Variants in RTEL1 observed in about 807,000 individuals in gnomAD.
RTEL1 encodes regulator of telomere elongation helicase 1, also known as regulator of telomere length.
RTEL1 carries 86 observed loss-of-function variants against 162.2 expected under a neutral mutation model. That is an observed-to-expected ratio of 0.53 (90% CI 0.45 to 0.63). RTEL1 has a LOEUF of 0.63. Ranked by LOEUF, RTEL1 falls within the 30% of genes least tolerant of loss-of-function variation. The pLI is 0.00. For synonymous variants in RTEL1, 958 were observed against 717.9 expected, an observed-to-expected ratio of 1.33 and a Z score of -5.35; for missense variants, 1,941 against 1,750.2, an observed-to-expected ratio of 1.11 and a Z score of -1.95.
Position 63,689,140 on chromosome 20 carries a change from C to G in RTEL1, c.1878+8C>G. The G allele has an allele frequency of 6.2e-7, 1 of 1,607,262 alleles. No homozygotes were observed. Among genetic ancestry groups the G allele is most frequent in the Non-Finnish European group, 8.5e-7 (1 of 1,179,612 alleles). ...GCGGTCTGCCGGGGCAAGGTGAGCTCTCCAGGGCCCTCTGCCCTGACCTGG... is the reference window on the plus strand; with the variant it reads ...GCGGTCTGCCGGGGCAAGGTGAGCTGTCCAGGGCCCTCTGCCCTGACCTGG... On this transcript the variant is annotated splice_region_variant and intron_variant, in intron 22 of 34. Coordinates refer to ENST00000360203, the MANE Select transcript of RTEL1 (RefSeq NM_001283009.2).
Position 63,681,745 on chromosome 20 carries a change from T to C in RTEL1, c.1191+1026T>C, listed in dbSNP as rs1028142055. 3.0e-6 allele frequency: 3 copies of C among 985,068 alleles called. No individual in the cohort carries two copies. The African/African-American group carries it at 5.2e-5, about 17-fold the overall frequency. The allele number at this position is 985,068 out of a possible 1,614,324, so 61.0% of individuals were successfully genotyped here. A position where few individuals can be genotyped will look rare whatever the true frequency, so the allele number is the denominator to read the frequency against. ...GGGTGGTGGGGCCCAGGCTCAGCCC[T>C]CCCTCCACTGTGGCCGTCTCTGTGG... is the stretch of plus-strand genomic sequence containing the variant. On this transcript the variant is annotated intron_variant, in intron 14 of 34. Transcript: ENST00000360203.
intron 10 of RTEL1, among the ~76,000 whole-genome samples, chr20:63,675,827 G>A (rs2090337971): frequency 6.6e-6 from 1 of 152,212 alleles, no homozygotes; most frequent in South Asian, 2.1e-4. Context: ...GGCGCAGGGT[G>A]GGGAGAGTGA....
chr20:63,677,764 C>T (rs1034160722), intron 10 of RTEL1, among the ~76,000 whole-genome samples: 5 of 138,898 alleles, frequency 3.6e-5, no homozygotes, highest in African/African-American at 1.4e-4. Context: ...GTGGATTTGG[C>T]CTGCACGGAT....
At chr20:63,680,198 G>A (rs2090452250) in intron 13 of RTEL1, among the ~76,000 whole-genome samples, 2 of 152,336 alleles carry the variant, frequency 1.3e-5, no homozygotes, top group African/African-American at 4.8e-5. Flanking sequence ...TTGAGAAAGA[G>A]CAGCCCAAGG....
Position 63,693,198 on chromosome 20 carries a change from C to A in RTEL1, c.2907C>A (p.Ile969=), listed in dbSNP as rs1413866305. The A allele has an allele frequency of 6.2e-7, 1 of 1,612,166 alleles. No individual in the cohort carries two copies. The highest frequency in any genetic ancestry group is 8.5e-7 in the Non-Finnish European group (1 of 1,179,528). The change falls in exon 30 of 35, where the codon ATC becomes ATA. Residue 969 remains isoleucine, a synonymous_variant. Coordinates refer to ENST00000360203, the MANE Select transcript of RTEL1 (RefSeq NM_001283009.2). ...AGCAGCAGTTTGAGGAGGTCTGTATCCAGCTGACAGGACGAGGCTGTGGCT... is the reference window on the plus strand; with the variant it reads ...AGCAGCAGTTTGAGGAGGTCTGTATACAGCTGACAGGACGAGGCTGTGGCT... The part of the protein sequence containing the change: ...HHKQQFEEVC[I]QLTGRGCGYR...
At chr20:63,688,109 G>A in intron 18 of RTEL1, 30 bp from the exon 19 acceptor site, 1 of 1,612,428 alleles carries the variant, frequency 6.2e-7, no homozygotes, top group Non-Finnish European at 8.5e-7. Flanking sequence ...TGAGGCCTGA[G>A]GTCCTGAGCA....
chr20:63,667,114 C>T (rs920901594), intron 7 of RTEL1, among the ~76,000 whole-genome samples: 2 of 152,184 alleles, frequency 1.3e-5, no homozygotes, highest in Admixed American at 6.5e-5. Flanking sequence ...GCTGGGATTA[C>T]AGGAGTGAGC....
chr20:63,663,512 G>T (rs2090062000), intron 6 of RTEL1, among the ~76,000 whole-genome samples: 1 of 152,222 alleles, frequency 6.6e-6, no homozygotes. Flanking sequence ...GCCACAGCCT[G>T]TGAGGGCCGG....
chr20:63,688,244 G>A, intron 19 of RTEL1, 57 bp from the exon 20 acceptor site: 1 of 1,609,718 alleles, frequency 6.2e-7, no homozygotes. Flanking sequence ...CCAAGAGCTG[G>A]TAGGGAACCC....
intron 28 of RTEL1, 60 bp from the exon 29 acceptor site, chr20:63,692,745 A>G (rs2090781930): frequency 6.6e-7 from 1 of 1,511,774 alleles, no homozygotes; most frequent in Admixed American, 1.8e-5. Flanking sequence ...AAGGCTCTGC[A>G]GCCCCAGGGA....
At chr20:63,658,222 G>A (rs536664664), upstream of RTEL1, 10 of 152,430 alleles carry the variant, frequency 6.6e-5, no homozygotes, top group Admixed American at 2.0e-4. Flanking sequence ...ACGCCGTGTA[G>A]GCCTGGAGGA....
At chr20:63,672,064 A>T (rs1004295046) in intron 8 of RTEL1, among the ~76,000 whole-genome samples, 1 of 147,010 alleles carries the variant, frequency 6.8e-6, no homozygotes, top group Non-Finnish European at 1.5e-5. Context: ...TTGTATTTTT[A>T]GTAGAGACGG....
At chr20:63,674,937 C>CG (rs2090318903) in intron 10 of RTEL1, among the ~76,000 whole-genome samples, 1 of 148,522 alleles carries the variant, frequency 6.7e-6, no homozygotes, top group African/African-American at 2.5e-5. Flanking sequence ...GATGGAGTTT[C>CG]ACTTTTGTTG....
intron 13 of RTEL1, 101 bp from the exon 14 acceptor site, chr20:63,680,563 C>A: frequency 3.1e-6 from 4 of 1,297,302 alleles, no homozygotes; most frequent in Admixed American, 1.8e-5. Context: ...GGAGATGGAG[C>A]TTGGCAGTCG....
chr20:63,691,244 G>C (rs990328005), intron 27 of RTEL1, among the ~76,000 whole-genome samples: 1 of 152,214 alleles, frequency 6.6e-6, no homozygotes, highest in African/African-American at 2.4e-5. Flanking sequence ...AAGGTCGGGT[G>C]CCCCTGCCAC....
chr20:63,695,731 G>A, intron 34 of RTEL1, 47 bp from the exon 35 acceptor site: 1 of 1,598,552 alleles, frequency 6.3e-7, no homozygotes, highest in Non-Finnish European at 8.5e-7. Context: ...CCCTTGTCCT[G>A]GTGGCAACGC....
chr20:63,680,071 AC>A, intron 13 of RTEL1, 125 bp downstream of exon 13: 1 of 658,352 alleles, frequency 1.5e-6, no homozygotes. Context: ...GGCCCACAGA[AC>A]CTCATCTTCT....
rs6011030 is a variant in RTEL1 at position 63,683,697 on chromosome 20, G to A, written c.1192-1826G>A. Among the ~76,000 whole-genome samples the A allele has an allele frequency of 3.3e-3, 504 of 152,286 alleles. 6 individuals carry two copies. Among genetic ancestry groups the A allele is most frequent in the African/African-American group, 0.011 (459 of 41,540 alleles). On this transcript the variant is annotated intron_variant, in intron 14 of 34. Transcript: ENST00000360203. ...GGCGGGGCTCTGACGGCGGTGGCTTGGCTGACATGGCCACATTGCTGAGCC... is the reference window on the plus strand; with the variant it reads ...GGCGGGGCTCTGACGGCGGTGGCTTAGCTGACATGGCCACATTGCTGAGCC...
At chr20:63,675,214 A>G (rs2090325434) in intron 10 of RTEL1, among the ~76,000 whole-genome samples, 1 of 151,950 alleles carries the variant, frequency 6.6e-6, no homozygotes, top group Admixed American at 6.6e-5. Context: ...CTTTGTCCAT[A>G]TTTTCTACAT....
Sources: allele counts gnomAD v4.1 joint callset (sites outside exome capture counted in the v4.1 genomes callset), GRCh38; gene constraint gnomAD v4.1.1; transcripts MANE v1.5; gene names NCBI Gene and HGNC (gene_info 2026-07-23, HGNC 2026-07-21).